Variants in TMEM237 observed in about 807,000 individuals in gnomAD.
TMEM237 encodes the protein amyotrophic lateral sclerosis 2 (juvenile) chromosome region, candidate 4.
A neutral mutation model predicts 59.1 loss-of-function variants in TMEM237; 51 were observed. The observed-to-expected ratio is 0.86, with a 90% CI of 0.69 to 1.09. The LOEUF (loss-of-function observed/expected upper bound fraction) is 1.09, where lower values mean the gene tolerates loss of function less well. Ranked by LOEUF, TMEM237 falls within the 50% of genes least tolerant of loss-of-function variation. The probability of loss-of-function intolerance (pLI) is 0.00; values close to 1 mark genes in which losing one functional copy is unlikely to be tolerated. For missense variants in TMEM237, 475 were observed against 478.3 expected (o/e 0.99, Z 0.06); for synonymous variants, 140 against 166.1 (o/e 0.84, Z 1.21).
chr2:201,642,937 T>TGCGGGAA, intron 1 of TMEM237: 1 of 1,325,076 alleles, frequency 7.5e-7, no homozygotes. Flanking sequence ...GTGATTTGTT[T>TGCGGGAA]GCGGGAAGCG....
rs1253687252 is a variant in TMEM237 at position 201,643,147 on chromosome 2, C to A, written c.42+212G>T. Among the ~76,000 whole-genome samples the A allele has an allele frequency of 6.6e-6, 1 of 152,068 alleles. No homozygotes were observed. The highest frequency in any genetic ancestry group is 6.5e-5 in the Admixed American group (1 of 15,284). Reference sequence around the variant, plus strand: ...CCCGCAAACTTCATGCCAGGCCTCTCTCTCCCACTCCGGGAGTTCGGTCCC... The same window carrying A: ...CCCGCAAACTTCATGCCAGGCCTCTATCTCCCACTCCGGGAGTTCGGTCCC... On this transcript the variant is annotated intron_variant, in intron 1 of 12. Transcript: ENST00000409883. This position sits in a 1 kb window ranked among gnomAD's most constrained non-coding sequence, Gnocchi z 4.3.
At chr2:201,634,413 A>G (rs899623510) in intron 5 of TMEM237, 1 of 152,288 alleles carries the variant, frequency 6.6e-6, no homozygotes, top group African/African-American at 2.4e-5. Context: ...CAAAATAAAT[A>G]AAAACACAAT....
In TMEM237 at chr2:201,642,817, G is replaced by C. The variant is rs1202470250; in HGVS notation, c.42+542C>G. ...GACCTGGATTGGCCAGTCCAGACTAGCCCTGCCAAAAAGGGGGCCTCGGAG... is the reference window on the plus strand; with the variant it reads ...GACCTGGATTGGCCAGTCCAGACTACCCCTGCCAAAAAGGGGGCCTCGGAG... On this transcript the variant is annotated intron_variant, in intron 1 of 12. Coordinates refer to ENST00000409883, the MANE Select transcript of TMEM237 (RefSeq NM_001044385.3). 4.4e-6 allele frequency: 6 copies of C among 1,355,192 alleles called. No individual in the cohort carries two copies. The African/African-American group carries it at 9.3e-5, about 21-fold the overall frequency. The allele number at this position is 1,355,192 out of a possible 1,614,324, so 83.9% of individuals were successfully genotyped here. A position where few individuals can be genotyped will look rare whatever the true frequency, so the allele number is the denominator to read the frequency against.
intron 10 of TMEM237, 141 bp from the exon 11 acceptor site, chr2:201,627,555 A>C (rs1380147948): frequency 1.7e-6 from 1 of 571,804 alleles, no homozygotes; most frequent in Non-Finnish European, 3.0e-6. Context: ...AATATATTTC[A>C]ATAGGCCAGA....
In TMEM237 at chr2:201,636,897, C is replaced by T; in HGVS notation, c.137-12G>A. The T allele has an allele frequency of 6.3e-7, 1 of 1,586,128 alleles. No homozygotes were observed. The highest frequency in any genetic ancestry group is 8.5e-7 in the Non-Finnish European group (1 of 1,171,256). ...CAAAGAAGCACTTGCTATAGAAAAA[C>T]AGAGTAGAAAAAAATGAGATTACTT... On this transcript the variant is annotated splice_polypyrimidine_tract_variant and intron_variant, in intron 4 of 12. Coordinates refer to ENST00000409883, the MANE Select transcript of TMEM237 (RefSeq NM_001044385.3).
At chr2:201,636,609 T>C in intron 5 of TMEM237, 139 bp downstream of exon 5, 1 of 904,236 alleles carries the variant, frequency 1.1e-6, no homozygotes, top group South Asian at 1.7e-5. Flanking sequence ...GTTATTCTAG[T>C]GGTAAATATT....
chr2:201,638,897 TG>T, intron 4 of TMEM237, 91 bp downstream of exon 4: 1 of 1,231,206 alleles, frequency 8.1e-7, no homozygotes, highest in Non-Finnish European at 1.1e-6. Flanking sequence ...TCGGGGCTGC[TG>T]GGGCCTTAAT....
intron 11 of TMEM237, among the ~76,000 whole-genome samples, chr2:201,626,778 A>T (rs1345246551): frequency 6.6e-6 from 1 of 152,178 alleles, no homozygotes; most frequent in Non-Finnish European, 1.5e-5. Context: ...TCATATGATG[A>T]CTTATTTTAG....
At position 201,623,246 on chromosome 2, in the gene TMEM237, CT is replaced by C; in HGVS notation, c.*1008del. 1 of 434,194 alleles carries C rather than the reference CT, an allele frequency of 2.3e-6. No individual in the cohort carries two copies. The highest frequency in any genetic ancestry group is 7.0e-5 in the East Asian group (1 of 14,330). 26.9% of individuals were successfully genotyped at this position (434,194 alleles called of 1,614,324 possible). On this transcript the variant is annotated 3_prime_UTR_variant, in exon 13 of 13. Coordinates refer to ENST00000409883, the MANE Select transcript of TMEM237 (RefSeq NM_001044385.3). Reference sequence around the variant, plus strand: ...TAGTTTTATTGATGTGCTCAACAGCCTTTGAAACATTTTTTCCCATAGCTAG... The same window carrying C: ...TAGTTTTATTGATGTGCTCAACAGCCTTGAAACATTTTTTCCCATAGCTAG...
chr2:201,633,258 CA>C, intron 6 of TMEM237, 52 bp downstream of exon 6: 3 of 1,543,326 alleles, frequency 1.9e-6, no homozygotes, highest in Non-Finnish European at 2.6e-6. Context: ...GAGCTCCAAA[CA>C]AAGCATCAGG....
At chr2:201,634,299 C>T (rs1371442768) in intron 5 of TMEM237, 1 of 152,196 alleles carries the variant, frequency 6.6e-6, no homozygotes, top group East Asian at 1.9e-4. Context: ...ATACTAGCTC[C>T]CTGGAATACC....
In TMEM237 at chr2:201,624,264, G is replaced by A; in HGVS notation, c.1218C>T (p.Ala406=). ...EYPDKEKEIK[A]SS is the part of the protein sequence containing the mutation. ...CAAAGGTGAGCTGGTATTATGAAGAGGCTTTGATTTCTTTCTCTTTATCAG... is the reference window on the plus strand; with the variant it reads ...CAAAGGTGAGCTGGTATTATGAAGAAGCTTTGATTTCTTTCTCTTTATCAG... The change falls in exon 13 of 13, where the codon GCC becomes GCT. Residue 406 remains alanine, a synonymous_variant. Coordinates refer to ENST00000409883, the MANE Select transcript of TMEM237 (RefSeq NM_001044385.3). 6.2e-7 allele frequency: 1 copy of A among 1,611,756 alleles called. No individual in the cohort carries two copies. The highest frequency in any genetic ancestry group is 1.1e-5 in the South Asian group (1 of 90,830).
chr2:201,642,575 T>C (rs368264489), intron 1 of TMEM237: 1 of 1,600,692 alleles, frequency 6.2e-7, no homozygotes, highest in Non-Finnish European at 8.5e-7. Context: ...AAGACAAAAA[T>C]CCTAACAATT....
intron 9 of TMEM237, 94 bp from the exon 10 acceptor site, chr2:201,628,243 G>A (rs1957777239): frequency 2.5e-6 from 2 of 792,576 alleles, no homozygotes; most frequent in Admixed American, 2.3e-5. Context: ...CTAGTCTAAT[G>A]CTAGCACATA....
At chr2:201,637,682 T>C (rs1687327552) in intron 4 of TMEM237, among the ~76,000 whole-genome samples, 1 of 150,098 alleles carries the variant, frequency 6.7e-6, no homozygotes, top group African/African-American at 2.5e-5. Flanking sequence ...GAGGTGGAGG[T>C]TGCAGGGAGC....
Position 201,627,392 on chromosome 2 carries a change from T to C in TMEM237, c.966A>G (p.Leu322=), listed in dbSNP as rs374543039. The part of the protein sequence containing the change: ...ASFLYFTALI[L]SLSQQMTSDR... ...CACTTGTCATTTGCTGACTCAGAGA[T>C]AGTATAAGAGCAGTAAAGTACACTG... The change falls in exon 11 of 13, where the codon CTA becomes CTG. Residue 322 remains leucine (L), a synonymous_variant. Coordinates refer to ENST00000409883, the MANE Select transcript of TMEM237 (RefSeq NM_001044385.3). 2.3e-5 allele frequency: 37 copies of C among 1,603,370 alleles called. No individual in the cohort carries two copies. Among genetic ancestry groups the C allele is most frequent in the Non-Finnish European group, 2.8e-5 (33 of 1,174,410 alleles).
chr2:201,636,571 T>C, intron 5 of TMEM237, 177 bp downstream of exon 5: 1 of 665,226 alleles, frequency 1.5e-6, no homozygotes, highest in Non-Finnish European at 2.5e-6. Context: ...AAGAGACCTG[T>C]AAAGTATTCT....
At chr2:201,642,678 C>A in intron 1 of TMEM237, 1 of 1,604,892 alleles carries the variant, frequency 6.2e-7, no homozygotes, top group Admixed American at 1.7e-5. Context: ...CCTGGCGCCC[C>A]ACCCCTCCCG....
chr2:201,640,338 C>G (rs545006374), intron 2 of TMEM237, 73 bp from the exon 3 acceptor site: 1 of 1,387,120 alleles, frequency 7.2e-7, no homozygotes, highest in Non-Finnish European at 9.6e-7. Flanking sequence ...TAATTAGAAA[C>G]CTGTTAATAT....
Sources: gnomAD v4.1 joint callset for allele counts (sites outside exome capture counted in the v4.1 genomes callset) on GRCh38, gnomAD v4.1.1 for gene constraint, Gnocchi (gnomAD v3.1) non-coding constraint, MANE v1.5 for transcripts, NCBI Gene and HGNC (gene_info 2026-07-23, HGNC 2026-07-21) for gene names.